The following TRIM25 variants were observed in gnomAD, a reference collection of about 807,000 sequenced individuals.
The protein encoded by TRIM25 is E3 ubiquitin/ISG15 ligase TRIM25.
A neutral mutation model predicts 65.2 loss-of-function variants in TRIM25; 45 were observed. The ratio of observed to expected loss-of-function variants is 0.69; its 90% confidence interval spans 0.54 to 0.89. TRIM25 has a LOEUF of 0.89. Ranked by LOEUF, TRIM25 falls within the 40% of genes least tolerant of loss-of-function variation. The pLI, the probability that TRIM25 is intolerant of heterozygous loss-of-function variation, is 0.00. For synonymous variants in TRIM25, 321 were observed against 340.4 expected (o/e 0.94, Z 0.63); for missense variants, 714 against 803.7 (o/e 0.89, Z 1.35).
At chr17:56,902,952 C>T (rs927143365) in intron 3 of TRIM25, among the ~76,000 whole-genome samples, 2 of 152,182 alleles carry the variant, frequency 1.3e-5, no homozygotes, top group African/African-American at 2.4e-5. Flanking sequence ...TGTTCCCTCT[C>T]TAACCCTGTG....
chr17:56,892,268 C>T (rs780174207), intron 8 of TRIM25, 39 bp from the exon 9 acceptor site: 24 of 1,547,400 alleles, frequency 1.6e-5, no homozygotes, highest in Non-Finnish European at 2.1e-5. Context: ...TTACAAGGGG[C>T]CCAAAGTGCT....
At chr17:56,893,365 G>A (rs556337442) in intron 8 of TRIM25, among the ~76,000 whole-genome samples, 36 of 152,342 alleles carry the variant, frequency 2.4e-4, no homozygotes, top group African/African-American at 6.3e-4. Context: ...CTGCCACAGA[G>A]TGCACAGCAG....
At chr17:56,903,416 T>C (rs530997239) in intron 3 of TRIM25, among the ~76,000 whole-genome samples, 2 of 152,076 alleles carry the variant, frequency 1.3e-5, no homozygotes, top group African/African-American at 4.8e-5. Context: ...ATACATAAAA[T>C]AAATAAATAA....
chr17:56,888,340 G>A lies in TRIM25; in HGVS notation c.*3360C>T, dbSNP rs1160140849. 6.6e-6 allele frequency: 1 copy of A among 152,042 alleles called. No homozygotes were observed. Among genetic ancestry groups the A allele is most frequent in the East Asian group, 1.9e-4 (1 of 5,194 alleles). The allele number at this position is 152,042 out of a possible 1,614,324, so 9.4% of individuals were successfully genotyped here. ...ACTCCTATTACCCTGGAAATGTCAA[G>A]GACTGAAAGTCTCCCTCCCAGGAAG... On this transcript the variant is annotated 3_prime_UTR_variant, in exon 9 of 9. Transcript: ENST00000316881.
rs895334894 is a variant in TRIM25 at position 56,895,658 on chromosome 17, C to T, written c.1181-54G>A. ...CAGAGCAACGGGATGGCCTCTACTCCCTTCCACACTGATTAAGAGCCACTT... is the reference window on the plus strand; with the variant it reads ...CAGAGCAACGGGATGGCCTCTACTCTCTTCCACACTGATTAAGAGCCACTT... On this transcript the variant is annotated intron_variant, in intron 6 of 8. Coordinates refer to ENST00000316881, the MANE Select transcript of TRIM25 (RefSeq NM_005082.5). 7 of 1,493,266 alleles carry T rather than the reference C, an allele frequency of 4.7e-6. No homozygotes were observed. The Admixed American group carries it at 1.6e-4, about 33-fold the overall frequency. The allele number at this position is 1,493,266 out of a possible 1,614,324, so 92.5% of individuals were successfully genotyped here.
At chr17:56,893,953 C>T (rs1020061773) in intron 8 of TRIM25, among the ~76,000 whole-genome samples, 1 of 152,188 alleles carries the variant, frequency 6.6e-6, no homozygotes, top group African/African-American at 2.4e-5. Context: ...GATTAGACTT[C>T]AGGCTCCCAC....
In TRIM25 at chr17:56,893,760, AG is replaced by A. The variant is rs1909231413; in HGVS notation, c.1364-1532del. Among the ~76,000 whole-genome samples the A allele has an allele frequency of 2.0e-5, 3 of 152,182 alleles. 1 individual carries two copies. The South Asian group carries it at 6.2e-4, about 31-fold the overall frequency. ...GCAAAGGAGGGGTGGATGGAAACCC[AG>A]GGGGGTATAGCAGCTCAAGCGGCAA... On this transcript the variant is annotated intron_variant, in intron 8 of 8. Coordinates refer to ENST00000316881, the MANE Select transcript of TRIM25 (RefSeq NM_005082.5).
rs752195177 is a variant in TRIM25 at position 56,892,097 on chromosome 17, G to T, written c.1496C>A (p.Ser499Tyr). Residue 499 changes from serine (S) to tyrosine (Y), a missense_variant, in exon 9 of 9, where the codon TCT becomes TAT. Ser to Tyr is a moderately radical substitution (Grantham distance 144). Coordinates refer to ENST00000316881, the MANE Select transcript of TRIM25 (RefSeq NM_005082.5). The stretch of plus-strand genomic sequence containing the variant: ...GTAGCAGTGCAGGCCCAGCACCTGA[G>T]AGCAGTATGTGAACCTCTGGGGATG... Reference protein sequence around the residue: ...RPHPQRFTYCSQVLGLHCYKK... With the variant: ...RPHPQRFTYCYQVLGLHCYKK... 1.2e-6 allele frequency: 2 copies of T among 1,614,194 alleles called. No homozygotes were observed. Among genetic ancestry groups the T allele is most frequent in the Non-Finnish European group, 1.7e-6 (2 of 1,180,036 alleles).
chr17:56,909,779 T>G (rs1316621274), intron 1 of TRIM25, among the ~76,000 whole-genome samples: 4 of 151,844 alleles, frequency 2.6e-5, no homozygotes, highest in Non-Finnish European at 5.9e-5. Flanking sequence ...AAAGGCAAAC[T>G]GTATATGAAG....
rs762390277 is a variant in TRIM25 at position 56,913,847 on chromosome 17, A to G, written c.142T>C (p.Tyr48His). Residue 48 changes from tyrosine to histidine, a missense_variant, in exon 1 of 9, where the codon TAC (tyrosine) becomes CAC (histidine). Transcript: ENST00000316881. The surrounding 1 kb of genome is among the most constrained non-coding windows in gnomAD (Gnocchi z 6.1). ...ACGGCGCGGCACTGCGGGCACAGGT[A>G]TGGCGAGCCCTGGACTGCCCACGTC... is the stretch of plus-strand genomic sequence containing the variant. The part of the protein sequence containing the change: ...NETWAVQGSP[Y>H]LCPQCRAVYQ... 1 of 1,561,670 alleles carries G rather than the reference A, an allele frequency of 6.4e-7. No homozygotes were observed. The highest frequency in any genetic ancestry group is 2.4e-5 in the East Asian group (1 of 41,694).
At chr17:56,909,058 G>A (rs1909576696) in intron 1 of TRIM25, among the ~76,000 whole-genome samples, 1 of 152,110 alleles carries the variant, frequency 6.6e-6, no homozygotes, top group Admixed American at 6.5e-5. Flanking sequence ...AACAGAACGA[G>A]CTGGGACAGC....
Position 56,891,250 on chromosome 17 carries a change from G to A in TRIM25, c.*450C>T. Reference sequence around the variant, plus strand: ...TGTAACATTGAAACTCAATGACTTTGGAACTTTAAAAACATCTATAGTAAG... The same window carrying A: ...TGTAACATTGAAACTCAATGACTTTAGAACTTTAAAAACATCTATAGTAAG... On this transcript the variant is annotated 3_prime_UTR_variant, in exon 9 of 9. Transcript: ENST00000316881. 3.1e-6 allele frequency: 1 copy of A among 322,070 alleles called. No homozygotes were observed. Among genetic ancestry groups the A allele is most frequent in the South Asian group, 2.5e-5 (1 of 39,920 alleles). The allele number at this position is 322,070 out of a possible 1,614,324, so 20.0% of individuals were successfully genotyped here.
chr17:56,890,886 T>G lies in TRIM25; in HGVS notation c.*814A>C, dbSNP rs918833377. The G allele has an allele frequency of 2.2e-6, 1 of 456,696 alleles. No homozygotes were observed. The highest frequency in any genetic ancestry group is 4.4e-6 in the Non-Finnish European group (1 of 226,952). 28.3% of individuals were successfully genotyped at this position (456,696 alleles called of 1,614,324 possible). ...GAAGCAAGGCCTCCAGCAAAGCTCA[T>G]GGCTGCCACCAAAGCATCTCTGCCA... is the stretch of plus-strand genomic sequence containing the variant. On this transcript the variant is annotated 3_prime_UTR_variant, in exon 9 of 9. Transcript: ENST00000316881.
At chr17:56,904,020 G>A (rs986744407) in intron 3 of TRIM25, among the ~76,000 whole-genome samples, 3 of 152,116 alleles carry the variant, frequency 2.0e-5, no homozygotes, top group African/African-American at 7.2e-5. Flanking sequence ...CACCCATAAA[G>A]CCATGTCCAG....
chr17:56,896,414 G>T (rs186763782), intron 5 of TRIM25, among the ~76,000 whole-genome samples: 13 of 151,744 alleles, frequency 8.6e-5, no homozygotes, highest in African/African-American at 2.4e-4. Context: ...AGCAATTTGG[G>T]AGGCCAAGGT....
At chr17:56,898,932 C>T in intron 5 of TRIM25, 183 bp downstream of exon 5, 1 of 624,954 alleles carries the variant, frequency 1.6e-6, no homozygotes, top group Admixed American at 2.9e-5. Flanking sequence ...ACGTGCAATG[C>T]TGATGGACAG....
intron 4 of TRIM25, among the ~76,000 whole-genome samples, chr17:56,899,637 A>C (rs1435941365): frequency 6.6e-6 from 1 of 152,132 alleles, no homozygotes; most frequent in Non-Finnish European, 1.5e-5. Flanking sequence ...GCACTTCCAC[A>C]ATGGGGCTGC....
intron 8 of TRIM25, among the ~76,000 whole-genome samples, chr17:56,894,819 G>C (rs943797343): frequency 6.6e-6 from 1 of 152,212 alleles, no homozygotes; most frequent in Non-Finnish European, 1.5e-5. Context: ...GAGGAAGGGG[G>C]CACAGTAGAT....
Position 56,913,704 on chromosome 17 carries a change from G to C in TRIM25, c.285C>G (p.Arg95=), listed in dbSNP as rs772537181. The C allele has an allele frequency of 6.4e-7, 1 of 1,572,426 alleles. No homozygotes were observed. The highest frequency in any genetic ancestry group is 2.3e-5 in the East Asian group (1 of 44,134). Reference sequence around the variant, plus strand: ...GGGCATTCGGGCTGGGTGCAGAGGCGCGGGCGGGCGGCGTCCAGACGTCGG... The same window carrying C: ...GGGCATTCGGGCTGGGTGCAGAGGCCCGGGCGGGCGGCGTCCAGACGTCGG... ...PPADVWTPPA[R]ASAPSPNAQV... Residue 95 remains arginine (R), a synonymous_variant, in exon 1 of 9, where the codon CGC becomes CGG. Coordinates refer to ENST00000316881, the MANE Select transcript of TRIM25 (RefSeq NM_005082.5). The surrounding 1 kb of genome is among the most constrained non-coding windows in gnomAD (Gnocchi z 6.1).
Sources: allele counts gnomAD v4.1 joint callset (sites outside exome capture counted in the v4.1 genomes callset), GRCh38; gene constraint gnomAD v4.1.1; non-coding constraint Gnocchi (gnomAD v3.1); transcripts MANE v1.5; gene names NCBI Gene and HGNC (gene_info 2026-07-23, HGNC 2026-07-21).